The following PPM1M variants were observed in gnomAD, a reference collection of about 807,000 sequenced individuals.
PPM1M encodes protein phosphatase 1M.
PPM1M carries 44 observed loss-of-function variants against 50.8 expected under a neutral mutation model. The ratio of observed to expected loss-of-function variants is 0.87; its 90% CI spans 0.68 to 1.11. The LOEUF is 1.11. Among genes scored for constraint, PPM1M ranks in the 50% most tolerant of loss-of-function variants. PPM1M has a pLI of 0.00. For synonymous variants in PPM1M, 224 were observed against 242.9 expected, an observed-to-expected ratio of 0.92 and a Z score of 0.72; for missense variants, 556 against 593.4, an observed-to-expected ratio of 0.94 and a Z score of 0.66.
Position 52,250,061 on chromosome 3 carries a change from A to T in PPM1M, c.*247A>T, listed in dbSNP as rs376461678. 8.1e-5 allele frequency: 37 copies of T among 459,098 alleles called. No individual in the cohort carries two copies. Among genetic ancestry groups the T allele is most frequent in the East Asian group, 7.6e-4 (23 of 30,290 alleles). 28.4% of individuals were successfully genotyped at this position (459,098 alleles called of 1,614,324 possible). ...GGTGATAACCTTCTCTGGCAGAGTG[A>T]CTTTACAACTTAACTAGGAAACCCA... On this transcript the variant is annotated 3_prime_UTR_variant, in exon 10 of 10. Transcript: ENST00000323588.
In PPM1M at chr3:52,245,838, G is replaced by C; in HGVS notation, c.14G>C (p.Trp5Ser). ...TGCCGCCGCGCCATGTCCGCCGGCT[G>C]GTTCCGGCGCCGCTTCCTGCCTGGG... is the stretch of plus-strand genomic sequence containing the variant. MSAG[W>S]FRRRFLPGEP... The change falls in exon 1 of 10, where the codon TGG (tryptophan) becomes TCG (serine). Residue 5 changes from tryptophan (W) to serine (S), a missense_variant. Transcript: ENST00000323588. The surrounding 1 kb of genome is among the most constrained non-coding windows in gnomAD (Gnocchi z 4.8). 3 of 1,060,972 alleles carry C rather than the reference G, an allele frequency of 2.8e-6. No homozygotes were observed. Among genetic ancestry groups the C allele is most frequent in the Non-Finnish European group, 3.4e-6 (3 of 873,118 alleles). 65.7% of individuals were successfully genotyped at this position (1,060,972 alleles called of 1,614,324 possible). A position where few individuals can be genotyped will look rare whatever the true frequency, so the allele number is the denominator to read the frequency against.
chr3:52,246,354 G>A, intron 1 of PPM1M: 1 of 1,042,694 alleles, frequency 9.6e-7, no homozygotes, highest in Non-Finnish European at 1.2e-6. Context: ...ATTTCCCCTC[G>A]CCCTCTACCC....
chr3:52,247,504 T>G (rs1699879768), intron 3 of PPM1M, 178 bp from the exon 4 acceptor site: 1 of 655,614 alleles, frequency 1.5e-6, no homozygotes, highest in Admixed American at 2.9e-5. Flanking sequence ...CTATTTTGAG[T>G]AGCACTTCCC....
At chr3:52,247,903 G>A in intron 4 of PPM1M, 109 bp downstream of exon 4, 1 of 802,716 alleles carries the variant, frequency 1.2e-6, no homozygotes, top group Non-Finnish European at 2.1e-6. Context: ...AGGATTGACT[G>A]GCTGAATTGT....
intron 9 of PPM1M, 147 bp from the exon 10 acceptor site, chr3:52,249,523 C>A: frequency 7.6e-7 from 1 of 1,307,432 alleles, no homozygotes; most frequent in Non-Finnish European, 1.1e-6. Flanking sequence ...CAGCCCGTGG[C>A]CCTCCCAGAC....
At chr3:52,248,865 C>T (rs1699911084) in intron 7 of PPM1M, 91 bp from the exon 8 acceptor site, 3 of 1,261,942 alleles carry the variant, frequency 2.4e-6, no homozygotes, top group East Asian at 2.4e-5. Flanking sequence ...CCACAGTCCA[C>T]CTCTCCCTGT....
chr3:52,246,444 A>G (rs1043065166), intron 1 of PPM1M: 7 of 852,952 alleles, frequency 8.2e-6, no homozygotes, highest in African/African-American at 7.1e-5. Flanking sequence ...AGGAATGGCA[A>G]CCTACCCTTA....
At position 52,248,993 on chromosome 3, in the gene PPM1M, T is replaced by G; in HGVS notation, c.1016T>G (p.Leu339Arg). Reference sequence around the variant, plus strand: ...GGAACACTGGCTGTCTCCCGGGGCCTGGGAGACCATCAGCTCAGAGTCCTG... The same window carrying G: ...GGAACACTGGCTGTCTCCCGGGGCCGGGGAGACCATCAGCTCAGAGTCCTG... ...LLGTLAVSRG[L>R]GDHQLRVLDT... The change falls in exon 8 of 10, where the codon CTG (leucine) becomes CGG (arginine). Residue 339 changes from leucine to arginine, a missense_variant. By Grantham distance (102) the Leu-to-Arg change is moderately radical. Coordinates refer to ENST00000323588, the MANE Select transcript of PPM1M (RefSeq NM_144641.4). 1 of 1,610,416 alleles carries G rather than the reference T, an allele frequency of 6.2e-7. No homozygotes were observed. The highest frequency in any genetic ancestry group is 8.5e-7 in the Non-Finnish European group (1 of 1,178,332).
At chr3:52,246,919 C>T (rs1333839588) in intron 2 of PPM1M, 55 bp from the exon 3 acceptor site, 2 of 1,522,484 alleles carry the variant, frequency 1.3e-6, no homozygotes, top group East Asian at 5.0e-5. Context: ...TAGGTTGCGT[C>T]AGGGGACAAG....
Position 52,246,734 on chromosome 3 carries a change from A to G in PPM1M, c.264A>G (p.Gln88=). Residue 88 remains glutamine, a synonymous_variant, in exon 2 of 10, where the codon CAA becomes CAG. Transcript: ENST00000323588. ...NAEKSEFNED[Q]AACGKLCIRR... is the part of the protein sequence containing the mutation. ...AGAAATCTGAATTCAATGAGGATCA[A>G]GCCGCCTGTGGGAAGCTGTGCATCC... 7.6e-7 allele frequency: 1 copy of G among 1,320,944 alleles called. No homozygotes were observed. The highest frequency in any genetic ancestry group is 1.0e-6 in the Non-Finnish European group (1 of 1,000,156). The allele number at this position is 1,320,944 out of a possible 1,614,324, so 81.8% of individuals were successfully genotyped here.
At chr3:52,248,589 T>C (rs1699905513) in intron 6 of PPM1M, 48 bp from the exon 7 acceptor site, 1 of 1,594,368 alleles carries the variant, frequency 6.3e-7, no homozygotes, top group African/African-American at 1.3e-5. Flanking sequence ...TGGGGAAAGA[T>C]GAGATGGGGC....
In PPM1M at chr3:52,248,315, G is replaced by A. The variant is rs559422486; in HGVS notation, c.796-20G>A. ...GGCCATAAGAAGGAGTATGACCTGA[G>A]CGCAGCCTCCCCACCCCAGGCCTTT... is the stretch of plus-strand genomic sequence containing the variant. On this transcript the variant is annotated intron_variant, in intron 5 of 9. Coordinates refer to ENST00000323588, the MANE Select transcript of PPM1M (RefSeq NM_144641.4). 6.2e-6 allele frequency: 10 copies of A among 1,606,778 alleles called. No individual in the cohort carries two copies. In the South Asian group the frequency reaches 1.1e-4, roughly 18 times the overall value.
At chr3:52,248,725 C>A in intron 7 of PPM1M, 25 bp downstream of exon 7, 1 of 1,610,368 alleles carries the variant, frequency 6.2e-7, no homozygotes, top group Non-Finnish European at 8.5e-7. Flanking sequence ...CTCCTCAACC[C>A]CAAGAATCCC....
rs1699917962 is a variant in PPM1M at position 52,249,174 on chromosome 3, G to A, written c.1087G>A (p.Val363Met). Residue 363 changes from valine to methionine, a missense_variant and splice_region_variant, in exon 9 of 10, where the codon GTG becomes ATG. By Grantham distance (21) the Val-to-Met change is conservative (BLOSUM62 1). Coordinates refer to ENST00000323588, the MANE Select transcript of PPM1M (RefSeq NM_144641.4). ...CAGGATCCTCAGGCTTAATTTGTAGGTGACTGTGCTGGATGTGGACCAGCT... is the reference window on the plus strand; with the variant it reads ...CAGGATCCTCAGGCTTAATTTGTAGATGACTGTGCTGGATGTGGACCAGCT... Reference protein sequence around the residue: ...LKPFLLSVPQVTVLDVDQLEL... With the variant: ...LKPFLLSVPQMTVLDVDQLEL... 6.2e-7 allele frequency: 1 copy of A among 1,613,840 alleles called. No homozygotes were observed. The highest frequency in any genetic ancestry group is 1.3e-5 in the African/African-American group (1 of 74,928).
chr3:52,248,929 A>G (rs775381624), intron 7 of PPM1M, 27 bp from the exon 8 acceptor site: 8 of 1,557,164 alleles, frequency 5.1e-6, no homozygotes, highest in Non-Finnish European at 7.0e-6. Context: ...GCTGTTTGCC[A>G]TCGCCTCACA....
At chr3:52,247,848 C>T in intron 4 of PPM1M, 54 bp downstream of exon 4, 1 of 1,098,186 alleles carries the variant, frequency 9.1e-7, no homozygotes. Flanking sequence ...GCATAAGCAG[C>T]AATGGGGACA....
intron 7 of PPM1M, 74 bp downstream of exon 7, chr3:52,248,774 T>C: frequency 6.7e-7 from 1 of 1,484,636 alleles, no homozygotes; most frequent in East Asian, 2.3e-5. Context: ...CTCCTTTGCC[T>C]CTTGCTGGTA....
chr3:52,250,067 CAACTT>C lies in PPM1M; in HGVS notation c.*258_*262del. ...AACCTTCTCTGGCAGAGTGACTTTA[CAACTT>C]AACTAGGAAACCCATGTGAGGCTCC... is the stretch of plus-strand genomic sequence containing the variant. On this transcript the variant is annotated 3_prime_UTR_variant, in exon 10 of 10. Coordinates refer to ENST00000323588, the MANE Select transcript of PPM1M (RefSeq NM_144641.4). 2.2e-6 allele frequency: 1 copy of C among 450,142 alleles called. No individual in the cohort carries two copies. The highest frequency in any genetic ancestry group is 3.4e-5 in the South Asian group (1 of 29,162). The allele number at this position is 450,142 out of a possible 1,614,324, so 27.9% of individuals were successfully genotyped here. A position where few individuals can be genotyped will look rare whatever the true frequency, so the allele number is the denominator to read the frequency against.
Position 52,250,372 on chromosome 3 carries a change from A to G in PPM1M, c.*558A>G, listed in dbSNP as rs1438923870. 1 of 155,088 alleles carries G rather than the reference A, an allele frequency of 6.4e-6. No individual in the cohort carries two copies. The highest frequency in any genetic ancestry group is 1.9e-4 in the East Asian group (1 of 5,280). 9.6% of individuals were successfully genotyped at this position (155,088 alleles called of 1,614,324 possible). A position where few individuals can be genotyped will look rare whatever the true frequency, so the allele number is the denominator to read the frequency against. On this transcript the variant is annotated 3_prime_UTR_variant, in exon 10 of 10. Transcript: ENST00000323588. ...GTCCTGCCCTGCTGTTCTTTGCTGGAGATGAGGAACAGGTGCTGGGGCTAA... is the reference window on the plus strand; with the variant it reads ...GTCCTGCCCTGCTGTTCTTTGCTGGGGATGAGGAACAGGTGCTGGGGCTAA...
Sources: gnomAD v4.1 joint callset for allele counts on GRCh38, gnomAD v4.1.1 for gene constraint, Gnocchi (gnomAD v3.1) non-coding constraint, MANE v1.5 for transcripts, NCBI Gene and HGNC (gene_info 2026-07-23, HGNC 2026-07-21) for gene names.